GRM7: variants seen among roughly 807,000 people sequenced by gnomAD.
GRM7 encodes the protein metabotropic glutamate receptor 7.
In GRM7, 35 loss-of-function variants were observed where a neutral mutation model predicts 84.5. The ratio of observed to expected loss-of-function variants is 0.41; its 90% CI spans 0.32 to 0.55. GRM7 has a LOEUF of 0.55. GRM7 is among the 20% of genes least tolerant of loss of function. The pLI is 0.19. For missense variants in GRM7, 1,003 were observed against 1,194.6 expected, an observed-to-expected ratio of 0.84 and a Z score of 2.36; for synonymous variants, 487 against 455.1, an observed-to-expected ratio of 1.07 and a Z score of -0.89.
chr3:6,951,740 T>G (rs1292224187), intron 1 of GRM7, among the ~76,000 whole-genome samples: 1 of 152,198 alleles, frequency 6.6e-6, no homozygotes, highest in Admixed American at 6.5e-5. Flanking sequence ...TGTTCCATTA[T>G]TGTTCAGTGG....
At chr3:7,611,843 G>A (rs73116088) in intron 8 of GRM7, among the ~76,000 whole-genome samples, 2,283 of 152,222 alleles carry the variant, frequency 0.015, 59 homozygotes, top group African/African-American at 0.05. Context: ...ATCTGGAGAC[G>A]TGGAACATTG....
chr3:7,731,897 C>T (rs1282518402), intron 9 of GRM7, among the ~76,000 whole-genome samples: 2 of 152,086 alleles, frequency 1.3e-5, no homozygotes, highest in East Asian at 1.9e-4. Context: ...CATCTCTGTC[C>T]CAACCAATCA....
At chr3:7,167,446 G>T (rs1345521029) in intron 2 of GRM7, among the ~76,000 whole-genome samples, 3 of 152,166 alleles carry the variant, frequency 2.0e-5, no homozygotes, top group Non-Finnish European at 4.4e-5. Context: ...TCCTTTGGTT[G>T]CCAAATAAGA....
chr3:7,506,311 C>T (rs1383220352), intron 7 of GRM7, among the ~76,000 whole-genome samples: 2 of 152,174 alleles, frequency 1.3e-5, no homozygotes, highest in Non-Finnish European at 2.9e-5. Context: ...CTAGTCATAA[C>T]TACTTAAGTA....
At chr3:7,375,574 A>G (rs959223837) in intron 4 of GRM7, among the ~76,000 whole-genome samples, 4 of 151,898 alleles carry the variant, frequency 2.6e-5, no homozygotes, top group Non-Finnish European at 4.4e-5. Context: ...CCCAGACTTC[A>G]TGTCATTCCC....
intron 1 of GRM7, among the ~76,000 whole-genome samples, chr3:7,003,344 A>T (rs1449521905): frequency 6.6e-6 from 1 of 152,138 alleles, no homozygotes; most frequent in Non-Finnish European, 1.5e-5. Context: ...AAAACATCAC[A>T]TTGTGCCCCA....
chr3:6,939,795 T>A (rs1697824717), intron 1 of GRM7, among the ~76,000 whole-genome samples: 1 of 152,168 alleles, frequency 6.6e-6, no homozygotes, highest in South Asian at 2.1e-4. Context: ...AGGCTAAGGA[T>A]GTTTTCTGGT....
At chr3:7,551,428 T>G (rs1390689472) in intron 7 of GRM7, among the ~76,000 whole-genome samples, 1 of 152,152 alleles carries the variant, frequency 6.6e-6, no homozygotes, top group African/African-American at 2.4e-5. Context: ...TTGCTATTCC[T>G]GTGAGTAGTA....
chr3:6,929,283 A>G (rs952514437), intron 1 of GRM7, among the ~76,000 whole-genome samples: 2 of 152,156 alleles, frequency 1.3e-5, no homozygotes, highest in Non-Finnish European at 2.9e-5. Flanking sequence ...CCCCATGACT[A>G]TTCTGTTTAG....
At chr3:6,901,651 T>A (rs1696392680) in intron 1 of GRM7, among the ~76,000 whole-genome samples, 2 of 141,248 alleles carry the variant, frequency 1.4e-5, no homozygotes, top group Non-Finnish European at 3.0e-5. Flanking sequence ...GTAGAATAAT[T>A]TGAAGAGAGA....
At chr3:6,943,660 G>A (rs560129648) in intron 1 of GRM7, among the ~76,000 whole-genome samples, 2 of 151,982 alleles carry the variant, frequency 1.3e-5, no homozygotes, top group East Asian at 3.9e-4. Flanking sequence ...AGGTTATGTT[G>A]CCTATTCTAA....
chr3:7,268,178 A>G (rs1205541918), intron 2 of GRM7, among the ~76,000 whole-genome samples: 1 of 152,182 alleles, frequency 6.6e-6, no homozygotes, highest in Non-Finnish European at 1.5e-5. Context: ...TAAAGGAATC[A>G]GATGTTAAAA....
intron 4 of GRM7, among the ~76,000 whole-genome samples, chr3:7,394,123 A>G (rs1695111655): frequency 6.6e-6 from 1 of 152,178 alleles, no homozygotes; most frequent in South Asian, 2.1e-4. Context: ...CCACACAGCT[A>G]TAAGAGACTA....
At chr3:7,301,104 A>G (rs74420329) in intron 3 of GRM7, among the ~76,000 whole-genome samples, 1,981 of 152,274 alleles carry the variant, frequency 0.013, 34 homozygotes, top group East Asian at 0.052. Context: ...TCCAAAATGC[A>G]TAACTCTTAT....
intron 1 of GRM7, among the ~76,000 whole-genome samples, chr3:6,960,103 T>G (rs546819295): frequency 6.6e-6 from 1 of 152,328 alleles, no homozygotes; most frequent in African/African-American, 2.4e-5. Flanking sequence ...TAGTGTTAAA[T>G]CAGGCAAACA....
At chr3:7,010,847 T>C (rs1695344995) in intron 1 of GRM7, among the ~76,000 whole-genome samples, 1 of 152,130 alleles carries the variant, frequency 6.6e-6, no homozygotes, top group Admixed American at 6.6e-5. Flanking sequence ...CTTGATACCA[T>C]GGAACTGCCA....
intron 1 of GRM7, among the ~76,000 whole-genome samples, chr3:7,120,051 GATAAA>G (rs1295956568): frequency 1.3e-5 from 2 of 151,938 alleles, no homozygotes; most frequent in South Asian, 4.1e-4. Flanking sequence ...GAGATTGAGA[GATAAA>G]ATAAACAAGC....
At position 7,469,251 on chromosome 3, in the gene GRM7, T is replaced by G. The variant is rs533996341; in HGVS notation, c.1515+7529T>G. The stretch of plus-strand genomic sequence containing the variant: ...TAGCAATTCTACATGATTCAGGGAT[T>G]CATTTGAGAACTTGGTTTACCAAAT... On this transcript the variant is annotated intron_variant, in intron 7 of 9. Coordinates refer to ENST00000357716, the MANE Select transcript of GRM7 (RefSeq NM_000844.4). Among the ~76,000 whole-genome samples the G allele has an allele frequency of 1.4e-3, 211 of 152,320 alleles. 2 individuals are homozygous for G. The highest frequency in any genetic ancestry group is 4.7e-3 in the African/African-American group (197 of 41,570).
chr3:7,176,779 T>A (rs1340272362), intron 2 of GRM7, among the ~76,000 whole-genome samples: 1 of 152,196 alleles, frequency 6.6e-6, no homozygotes, highest in Admixed American at 6.5e-5. Flanking sequence ...TCTTAGTTTC[T>A]ATCTTGACTG....
Sources: gnomAD v4.1 joint callset for allele counts (sites outside exome capture counted in the v4.1 genomes callset) on GRCh38, gnomAD v4.1.1 for gene constraint, MANE v1.5 for transcripts, NCBI Gene and HGNC (gene_info 2026-07-23, HGNC 2026-07-21) for gene names.